TC2N: variants seen among roughly 807,000 people sequenced by gnomAD.
TC2N encodes the protein tandem C2 domains, nuclear.
In TC2N, 51 loss-of-function variants were observed where a neutral mutation model predicts 61.9. The ratio of observed to expected loss-of-function variants is 0.82; its 90% CI spans 0.66 to 1.04. The LOEUF is 1.04. TC2N is among the 50% of genes least tolerant of loss of function. The pLI is 0.00. For synonymous variants in TC2N, 204 were observed against 192.6 expected (o/e 1.06, Z -0.49); for missense variants, 556 against 566.7 (o/e 0.98, Z 0.19).
intron 9 of TC2N, among the ~76,000 whole-genome samples, chr14:91,789,394 C>T (rs992156842): frequency 1.3e-4 from 19 of 150,926 alleles, no homozygotes; most frequent in African/African-American, 4.6e-4. Flanking sequence ...CAGATCGAGA[C>T]CACCCTGGCT....
intron 1 of TC2N, among the ~76,000 whole-genome samples, chr14:91,823,890 A>AAACAAC (rs200435387): frequency 2.0e-5 from 3 of 152,162 alleles, no homozygotes; most frequent in Non-Finnish European, 4.4e-5. Context: ...ATCAATTAAA[A>AAACAAC]AACAACAACA....
intron 1 of TC2N, among the ~76,000 whole-genome samples, chr14:91,855,363 C>G (rs1349744723): frequency 6.6e-6 from 1 of 152,192 alleles, no homozygotes; most frequent in Non-Finnish European, 1.5e-5. Context: ...TCAGCAGGGC[C>G]ATGCTCCCTC....
intron 1 of TC2N, among the ~76,000 whole-genome samples, chr14:91,820,864 T>C (rs1347839844): frequency 6.6e-6 from 1 of 151,992 alleles, no homozygotes; most frequent in Non-Finnish European, 1.5e-5. Flanking sequence ...ATAACATTTT[T>C]AAAAACTTAA....
At chr14:91,840,311 C>T (rs999672176) in intron 1 of TC2N, among the ~76,000 whole-genome samples, 1 of 152,114 alleles carries the variant, frequency 6.6e-6, no homozygotes, top group Non-Finnish European at 1.5e-5. Context: ...TGAATGATGA[C>T]ATATAGATTA....
intron 3 of TC2N, among the ~76,000 whole-genome samples, chr14:91,805,087 T>C (rs1886445207): frequency 6.6e-6 from 1 of 152,208 alleles, no homozygotes; most frequent in Admixed American, 6.5e-5. Context: ...AACAACATTG[T>C]GGTCAACTAT....
At chr14:91,852,227 A>C (rs1287488960) in intron 1 of TC2N, among the ~76,000 whole-genome samples, 1 of 152,220 alleles carries the variant, frequency 6.6e-6, no homozygotes, top group Admixed American at 6.5e-5. Context: ...TGGGAATTTG[A>C]GACCAGCCTG....
intron 1 of TC2N, among the ~76,000 whole-genome samples, chr14:91,845,830 T>G (rs1888259605): frequency 1.3e-5 from 2 of 152,210 alleles, no homozygotes. Context: ...CACCTGATTC[T>G]CTAATTACTT....
chr14:91,828,250 A>G (rs141769084), intron 1 of TC2N, among the ~76,000 whole-genome samples: 4 of 152,294 alleles, frequency 2.6e-5, no homozygotes, highest in African/African-American at 7.2e-5. Flanking sequence ...TATAAAATAA[A>G]TCCACATGGA....
At chr14:91,859,649 G>C (rs1284193450) in intron 1 of TC2N, among the ~76,000 whole-genome samples, 3 of 152,146 alleles carry the variant, frequency 2.0e-5, no homozygotes, top group Non-Finnish European at 4.4e-5. Flanking sequence ...CAGGGGCACT[G>C]GTAATACAGC....
intron 1 of TC2N, among the ~76,000 whole-genome samples, chr14:91,855,505 C>T (rs1595278691): frequency 6.6e-6 from 1 of 152,196 alleles, no homozygotes; most frequent in African/African-American, 2.4e-5. Flanking sequence ...GCCCTCTTCT[C>T]TGTGTATCTT....
At position 91,780,596 on chromosome 14, in the gene TC2N, A is replaced by G. The variant is rs560960241; in HGVS notation, c.*2504T>C. 2 of 152,346 alleles carry G rather than the reference A, an allele frequency of 1.3e-5. No individual in the cohort carries two copies. Among genetic ancestry groups the G allele is most frequent in the East Asian group, 3.9e-4 (2 of 5,192 alleles). 9.4% of individuals were successfully genotyped at this position (152,346 alleles called of 1,614,324 possible). A position where few individuals can be genotyped will look rare whatever the true frequency, so the allele number is the denominator to read the frequency against. ...CTTACAAGTAAATCCACTGTTAGGA[A>G]TGAGCACTGTAAAAGCTATCAGCTA... is the stretch of plus-strand genomic sequence containing the variant. On this transcript the variant is annotated 3_prime_UTR_variant, in exon 12 of 12. Transcript: ENST00000435962.
chr14:91,808,628 T>C (rs1401482120), intron 3 of TC2N, among the ~76,000 whole-genome samples: 1 of 152,236 alleles, frequency 6.6e-6, no homozygotes, highest in Non-Finnish European at 1.5e-5. Flanking sequence ...ACAAATCAGA[T>C]GGTTTTACCA....
chr14:91,788,498 A>T (rs2139824157), intron 9 of TC2N, among the ~76,000 whole-genome samples: 1 of 152,348 alleles, frequency 6.6e-6, no homozygotes, highest in East Asian at 1.9e-4. Flanking sequence ...GGCTCAGCAT[A>T]GACAGACACA....
chr14:91,812,483 G>A lies in TC2N; in HGVS notation c.130C>T (p.Pro44Ser). ...TTTACAGAAACAGAAGTCAATGGAG[G>A]TACAGAGATAGTAGCATTTTGACTA... is the stretch of plus-strand genomic sequence containing the variant. ...PNSQNATISV[P>S]PLTSVSVKPQ... The change falls in exon 3 of 12, where the codon CCT becomes TCT. Residue 44 changes from proline (P) to serine (S), a missense_variant. Coordinates refer to ENST00000435962, the MANE Select transcript of TC2N (RefSeq NM_001128596.3). 6.2e-7 allele frequency: 1 copy of A among 1,611,686 alleles called. No homozygotes were observed. The highest frequency in any genetic ancestry group is 8.5e-7 in the Non-Finnish European group (1 of 1,178,420).
At chr14:91,813,372 CT>C (rs1298813631) in intron 2 of TC2N, among the ~76,000 whole-genome samples, 1 of 151,770 alleles carries the variant, frequency 6.6e-6, no homozygotes, top group Non-Finnish European at 1.5e-5. Context: ...CCCTCCCTGT[CT>C]TTGCCTGTAC....
In TC2N at chr14:91,812,414, G is replaced by C; in HGVS notation, c.199C>G (p.Pro67Ala). The change falls in exon 3 of 12, where the codon CCA (proline) becomes GCA (alanine). Residue 67 changes from proline (P) to alanine (A), a missense_variant. By Grantham distance (27) the Pro-to-Ala change is conservative. Transcript: ENST00000435962. ...AATGGTACTTCTTTGCCATCAGATG[G>C]TAATTTGGAAAGCAAATAATCCTCA... is the stretch of plus-strand genomic sequence containing the variant. The part of the protein sequence containing the change: ...CTEDYLLSKL[P>A]SDGKEVPFVV... The C allele has an allele frequency of 6.2e-7, 1 of 1,612,568 alleles. No individual in the cohort carries two copies. The highest frequency in any genetic ancestry group is 8.5e-7 in the Non-Finnish European group (1 of 1,179,004).
At chr14:91,833,436 T>C (rs945854297) in intron 1 of TC2N, among the ~76,000 whole-genome samples, 1 of 152,166 alleles carries the variant, frequency 6.6e-6, no homozygotes, top group African/African-American at 2.4e-5. Flanking sequence ...TTTAAAGCTT[T>C]ACTGAGGTAT....
chr14:91,816,013 A>G (rs1179146133), intron 1 of TC2N, among the ~76,000 whole-genome samples: 2 of 151,770 alleles, frequency 1.3e-5, no homozygotes, highest in Non-Finnish European at 3.0e-5. Flanking sequence ...CAATTTGTAT[A>G]GTTGTTTTGT....
In TC2N at chr14:91,837,031, C is replaced by T. The variant is rs1888051874; in HGVS notation, c.-56-23206G>A. 6.6e-6 allele frequency among the ~76,000 whole-genome samples: 1 copy of T among 152,206 alleles called. No individual in the cohort carries two copies. The highest frequency in any genetic ancestry group is 2.4e-5 in the African/African-American group (1 of 41,456). ...TTGCTATCTGCTACTGCCTTGCCAT[C>T]AATGGGTGTCTTGGAAAGAATATTA... is the stretch of plus-strand genomic sequence containing the variant. On this transcript the variant is annotated intron_variant, in intron 1 of 11. Coordinates refer to ENST00000435962, the MANE Select transcript of TC2N (RefSeq NM_001128596.3). This position sits in a 1 kb window ranked among gnomAD's most constrained non-coding sequence, Gnocchi z 4.2.
Sources: allele counts gnomAD v4.1 joint callset (sites outside exome capture counted in the v4.1 genomes callset), GRCh38; gene constraint gnomAD v4.1.1; non-coding constraint Gnocchi (gnomAD v3.1); transcripts MANE v1.5; gene names NCBI Gene and HGNC (gene_info 2026-07-23, HGNC 2026-07-21).